The following RYR1 variants were observed in gnomAD, a reference collection of about 807,000 sequenced individuals.
The protein encoded by RYR1 is central core disease of muscle.
Under a neutral mutation model 583.5 loss-of-function variants are expected in RYR1, and 342 were observed. That is an observed-to-expected ratio of 0.59 (90% CI 0.54 to 0.64). The LOEUF is 0.64. Among genes scored for constraint, RYR1 ranks in the 30% least tolerant of loss-of-function variants. The probability of loss-of-function intolerance (pLI) is 0.00; values close to 1 mark genes in which losing one functional copy is unlikely to be tolerated. For missense variants in RYR1, 6,032 were observed against 6,917.2 expected (o/e 0.87, Z 4.54); for synonymous variants, 2,791 against 2,822.5 (o/e 0.99, Z 0.35).
chr19:38,490,727 A>C lies in RYR1; in HGVS notation c.6122A>C (p.His2041Pro). 6.2e-7 allele frequency: 1 copy of C among 1,608,186 alleles called. No individual in the cohort carries two copies. The highest frequency in any genetic ancestry group is 8.5e-7 in the Non-Finnish European group (1 of 1,174,488). Residue 2041 changes from histidine to proline, a missense_variant, in exon 37 of 106, where the codon CAC (histidine) becomes CCC (proline). His to Pro is a moderately conservative substitution (Grantham distance 77). Transcript: ENST00000359596. ...LLDFHQDLLA[H>P]CGIQLDGEEE... ...GACTTTCATCAAGACCTGCTGGCAC[A>C]CTGTGGTAAGGAGTGGGGATCAGAG... is the stretch of plus-strand genomic sequence containing the variant.
In RYR1 at chr19:38,492,503, T is replaced by C. The variant is rs1479478220; in HGVS notation, c.6141T>C (p.Asp2047=). Residue 2047 remains aspartate, a synonymous_variant, in exon 38 of 106, where the codon GAT becomes GAC. Coordinates refer to ENST00000359596, the MANE Select transcript of RYR1 (RefSeq NM_000540.3). ...GACCACTTCCAGGAATTCAGCTAGATGGAGAGGAGGAGGAACCAGAGGAAG... is the reference window on the plus strand; with the variant it reads ...GACCACTTCCAGGAATTCAGCTAGACGGAGAGGAGGAGGAACCAGAGGAAG... ...DLLAHCGIQL[D]GEEEEPEEET... is the part of the protein sequence containing the mutation. The C allele has an allele frequency of 1.2e-6, 2 of 1,613,634 alleles. No individual in the cohort carries two copies. Among genetic ancestry groups the C allele is most frequent in the African/African-American group, 1.3e-5 (1 of 74,760 alleles).
chr19:38,505,594 G>A (rs1048982482), intron 53 of RYR1, among the ~76,000 whole-genome samples, 196 bp downstream of exon 53: 1 of 152,162 alleles, frequency 6.6e-6, no homozygotes, highest in Admixed American at 6.6e-5. Flanking sequence ...TTGATTCCTT[G>A]GCTGTAGTAA....
At position 38,532,475 on chromosome 19, in the gene RYR1, T is replaced by C. The variant is rs771715775; in HGVS notation, c.11142-15T>C. Reference sequence around the variant, plus strand: ...CTCCACCGGGTCCTGACCACTCCCCTGCTTACTTCCCCAGCAAACTGGATG... The same window carrying C: ...CTCCACCGGGTCCTGACCACTCCCCCGCTTACTTCCCCAGCAAACTGGATG... On this transcript the variant is annotated splice_polypyrimidine_tract_variant and intron_variant, in intron 76 of 105. Coordinates refer to ENST00000359596, the MANE Select transcript of RYR1 (RefSeq NM_000540.3). 6.2e-7 allele frequency: 1 copy of C among 1,614,112 alleles called. No individual in the cohort carries two copies. The highest frequency in any genetic ancestry group is 8.5e-7 in the Non-Finnish European group (1 of 1,180,018).
At chr19:38,461,743 AAGGGAGAG>A (rs1474184048) in intron 20 of RYR1, among the ~76,000 whole-genome samples, 18 of 139,726 alleles carry the variant, frequency 1.3e-4, no homozygotes, top group East Asian at 4.1e-4. Flanking sequence ...AAAAAAAAGA[AAGGGAGAG>A]AGAGAGAGAA....
At chr19:38,452,234 C>T (rs1490187331) in intron 12 of RYR1, among the ~76,000 whole-genome samples, 1 of 150,304 alleles carries the variant, frequency 6.7e-6, no homozygotes, top group Non-Finnish European at 1.5e-5. Context: ...CCCAGGAGTT[C>T]GAGACCAGCC....
At chr19:38,503,884 C>T (rs925239470) in intron 49 of RYR1, among the ~76,000 whole-genome samples, 1 of 152,050 alleles carries the variant, frequency 6.6e-6, no homozygotes, top group Non-Finnish European at 1.5e-5. Flanking sequence ...TTTACATAAG[C>T]ACAGATTGCT....
At chr19:38,517,281 T>C in intron 65 of RYR1, 78 bp from the exon 66 acceptor site, 1 of 1,412,412 alleles carries the variant, frequency 7.1e-7, no homozygotes, top group East Asian at 2.3e-5. Flanking sequence ...TGGTGTCTGA[T>C]GTATTGCGGG....
intron 63 of RYR1, among the ~76,000 whole-genome samples, chr19:38,513,425 C>A (rs775763514): frequency 6.6e-6 from 1 of 152,166 alleles, no homozygotes. Context: ...GTAGGAAGAT[C>A]TCTTGAGCCC....
chr19:38,581,501 C>T (rs746037999), intron 101 of RYR1, among the ~76,000 whole-genome samples: 98 of 149,974 alleles, frequency 6.5e-4, no homozygotes, highest in South Asian at 1.3e-3. Context: ...AGGTGTGAGC[C>T]GCCGCACCTG....
chr19:38,499,552 C>T lies in RYR1; in HGVS notation c.7028-83C>T, dbSNP rs925315307. 11 of 1,483,730 alleles carry T rather than the reference C, an allele frequency of 7.4e-6. No individual in the cohort carries two copies. In the African/African-American group the frequency reaches 8.3e-5, roughly 11 times the overall value. 91.9% of individuals were successfully genotyped at this position (1,483,730 alleles called of 1,614,324 possible). ...GAGCTGGATGGGACCTGTGTTACCC[C>T]TGGAGGTGTTGGGTCCTGGGGCTGC... On this transcript the variant is annotated intron_variant, in intron 43 of 105. Coordinates refer to ENST00000359596, the MANE Select transcript of RYR1 (RefSeq NM_000540.3). This position sits in a 1 kb window ranked among gnomAD's most constrained non-coding sequence, Gnocchi z 7.3.
chr19:38,584,333 G>A (rs1473694641), intron 101 of RYR1, among the ~76,000 whole-genome samples: 6 of 79,284 alleles, frequency 7.6e-5, no homozygotes, highest in Admixed American at 1.8e-4. Context: ...CCCTCCGTCT[G>A]TGCCCCCCAT....
In RYR1 at chr19:38,499,085, G is replaced by A. The variant is rs368992227; in HGVS notation, c.6892-23G>A. 5.8e-5 allele frequency: 93 copies of A among 1,613,228 alleles called. No homozygotes were observed. The highest frequency in any genetic ancestry group is 4.4e-5 in the Non-Finnish European group (52 of 1,179,684). On this transcript the variant is annotated intron_variant, in intron 42 of 105. Transcript: ENST00000359596. This position sits in a 1 kb window ranked among gnomAD's most constrained non-coding sequence, Gnocchi z 7.3. Reference sequence around the variant, plus strand: ...GGAAGGTGGCATGGGTCTGGTCTCTGACTGAGCCCCTTCTGCCCCCAGGTT... The same window carrying A: ...GGAAGGTGGCATGGGTCTGGTCTCTAACTGAGCCCCTTCTGCCCCCAGGTT...
intron 20 of RYR1, among the ~76,000 whole-genome samples, chr19:38,461,217 G>A (rs1406497869): frequency 6.6e-6 from 1 of 152,064 alleles, no homozygotes. Flanking sequence ...CCTCGCGCTT[G>A]AGCCCGAAAG....
At position 38,455,767 on chromosome 19, in the gene RYR1, C is replaced by A; in HGVS notation, c.1791+16C>A. 2 of 1,485,272 alleles carry A rather than the reference C, an allele frequency of 1.3e-6. No individual in the cohort carries two copies. Among genetic ancestry groups the A allele is most frequent in the African/African-American group, 2.8e-5 (2 of 72,316 alleles). The allele number at this position is 1,485,272 out of a possible 1,614,324, so 92.0% of individuals were successfully genotyped here. ...GAACCACAAGGTCGGCCCCTCACCC[C>A]TGACCTCTCATCCCCTGAACTCTGA... is the stretch of plus-strand genomic sequence containing the variant. On this transcript the variant is annotated intron_variant, in intron 16 of 105. Transcript: ENST00000359596.
chr19:38,532,800 T>C (rs1307045981), intron 78 of RYR1, 64 bp downstream of exon 78: 31 of 1,511,416 alleles, frequency 2.1e-5, no homozygotes, highest in Non-Finnish European at 2.1e-5. Context: ...TCATCTCCCA[T>C]TCATTCAGCA....
chr19:38,471,525 T>C (rs1475361476), intron 27 of RYR1, among the ~76,000 whole-genome samples: 1 of 150,962 alleles, frequency 6.6e-6, no homozygotes, highest in Non-Finnish European at 1.5e-5. Context: ...GCAAGACCTG[T>C]CTCTAAGAAA....
In RYR1 at chr19:38,561,465, CCG is replaced by C. The variant is rs1263211254; in HGVS notation, c.12624+18_12624+19del. On this transcript the variant is annotated intron_variant, in intron 90 of 105. Transcript: ENST00000359596. The surrounding 1 kb of genome is among the most constrained non-coding windows in gnomAD (Gnocchi z 4.8). ...TGGGAGATGCCCCAGGTCAGGGAAC[CCG>C]CGCGCGTGCAAGCTCGCCTCCTGGG... 6 of 1,601,738 alleles carry C rather than the reference CCG, an allele frequency of 3.7e-6. No individual in the cohort carries two copies. In the African/African-American group the frequency reaches 8.0e-5, roughly 21 times the overall value.
Position 38,519,436 on chromosome 19 carries a change from G to T in RYR1, c.10241G>T (p.Arg3414Leu). Residue 3414 changes from arginine (R) to leucine (L), a missense_variant, in exon 67 of 106, where the codon CGC (arginine) becomes CTC (leucine). This residue lies in a region of RYR1 where 1,493 missense variants were observed against 1,715.5 expected (regional missense o/e 0.87). Coordinates refer to ENST00000359596, the MANE Select transcript of RYR1 (RefSeq NM_000540.3). ...DLYALYPLLI[R>L]YVDNNRAQWL... ...TACGCCCTGTATCCGCTGCTCATCCGCTACGTGGACAACAACAGGTCAGCG... is the reference window on the plus strand; with the variant it reads ...TACGCCCTGTATCCGCTGCTCATCCTCTACGTGGACAACAACAGGTCAGCG... 1 of 1,598,276 alleles carries T rather than the reference G, an allele frequency of 6.3e-7. No homozygotes were observed. Among genetic ancestry groups the T allele is most frequent in the Non-Finnish European group, 8.5e-7 (1 of 1,173,480 alleles).
Position 38,453,002 on chromosome 19 carries a change from C to T in RYR1, c.1428C>T (p.Leu476=). The T allele has an allele frequency of 2.5e-6, 4 of 1,613,738 alleles. No individual in the cohort carries two copies. Among genetic ancestry groups the T allele is most frequent in the African/African-American group, 1.3e-5 (1 of 75,036 alleles). The part of the protein sequence containing the change: ...KLRSLRNRQS[L]FQEEGMLSMV... ...GAAGCCTGCGCAACCGCCAGAGCCT[C>T]TTCCAGGAGGAGGTGAGGACGTGGC... Residue 476 remains leucine (L), a synonymous_variant, in exon 13 of 106, where the codon CTC becomes CTT. Coordinates refer to ENST00000359596, the MANE Select transcript of RYR1 (RefSeq NM_000540.3).
Sources: allele counts gnomAD v4.1 joint callset (sites outside exome capture counted in the v4.1 genomes callset), GRCh38; gene constraint gnomAD v4.1.1; regional missense constraint gnomAD v4.1.1; non-coding constraint Gnocchi (gnomAD v3.1); transcripts MANE v1.5; gene names NCBI Gene and HGNC (gene_info 2026-07-23, HGNC 2026-07-21).